VWA8: variants seen among roughly 807,000 people sequenced by gnomAD.
VWA8 encodes von Willebrand factor A domain containing 8, also known as von Willebrand factor A domain-containing protein 8.
VWA8 carries 221 observed loss-of-function variants against 241.5 expected under a neutral mutation model. That is an observed-to-expected ratio of 0.91 (90% CI 0.82 to 1.02). VWA8 has a LOEUF of 1.02. Ranked by LOEUF, VWA8 falls within the 50% of genes least tolerant of loss-of-function variation. VWA8 has a pLI of 0.00. For synonymous variants in VWA8, 852 were observed against 827.1 expected (o/e 1.03, Z -0.52); for missense variants, 2,322 against 2,328.7 (o/e 1.00, Z 0.06).
At chr13:41,822,284 A>C (rs1479542902) in intron 14 of VWA8, among the ~76,000 whole-genome samples, 3 of 152,178 alleles carry the variant, frequency 2.0e-5, no homozygotes, top group Non-Finnish European at 4.4e-5. Flanking sequence ...TTGAAAGAAT[A>C]ATATGGAAGG....
intron 21 of VWA8, among the ~76,000 whole-genome samples, chr13:41,749,576 C>T (rs140678325): frequency 0.048 from 7,268 of 152,116 alleles, 397 homozygotes; most frequent in African/African-American, 0.13. Context: ...TGCGGCACCA[C>T]TCACAATAGC....
intron 43 of VWA8, 22 bp from the exon 44 acceptor site, chr13:41,570,728 C>T: frequency 1.2e-6 from 2 of 1,601,636 alleles, no homozygotes; most frequent in Non-Finnish European, 1.7e-6. Context: ...AGAAGTTGCA[C>T]AAAAGCCATG....
At chr13:41,870,963 CTCAGAAAGGTATTAA>C (rs1338487280) in intron 9 of VWA8, among the ~76,000 whole-genome samples, 1 of 152,166 alleles carries the variant, frequency 6.6e-6, no homozygotes, top group East Asian at 1.9e-4. Context: ...AGGATTGTTA[CTCAGAAAGGTATTAA>C]TCAGAAAGGT....
At chr13:41,883,717 T>C (rs540391276) in intron 8 of VWA8, among the ~76,000 whole-genome samples, 1 of 152,330 alleles carries the variant, frequency 6.6e-6, no homozygotes, top group South Asian at 2.1e-4. Context: ...CTTCTATGTA[T>C]TGATGGCTCC....
At chr13:41,692,218 C>T (rs1169241743) in intron 30 of VWA8, among the ~76,000 whole-genome samples, 1 of 151,838 alleles carries the variant, frequency 6.6e-6, no homozygotes, top group Non-Finnish European at 1.5e-5. Flanking sequence ...GATGATTAAC[C>T]ATGGAATTTA....
intron 8 of VWA8, among the ~76,000 whole-genome samples, chr13:41,883,879 T>C (rs1874385772): frequency 6.6e-6 from 1 of 152,204 alleles, no homozygotes; most frequent in Admixed American, 6.5e-5. Flanking sequence ...ACCTGATCCC[T>C]TTTTATTCCT....
At chr13:41,916,669 A>G (rs1593867602) in intron 2 of VWA8, among the ~76,000 whole-genome samples, 1 of 152,228 alleles carries the variant, frequency 6.6e-6, no homozygotes, top group East Asian at 1.9e-4. Flanking sequence ...ACTGAAAGAA[A>G]GCATCATGCA....
chr13:41,592,701 T>TA (rs2044464170), intron 40 of VWA8, among the ~76,000 whole-genome samples: 2 of 150,016 alleles, frequency 1.3e-5, no homozygotes, highest in South Asian at 4.3e-4. Context: ...ATAATAGTGT[T>TA]ATTAAAAGCC....
At chr13:41,897,621 C>T (rs1319977710) in intron 4 of VWA8, among the ~76,000 whole-genome samples, 1 of 152,080 alleles carries the variant, frequency 6.6e-6, no homozygotes, top group East Asian at 1.9e-4. Context: ...AATGAAGCCG[C>T]AGACCCTCGC....
Position 41,587,676 on chromosome 13 carries a change from G to A in VWA8, c.5113-6C>T. On this transcript the variant is annotated splice_polypyrimidine_tract_variant and splice_region_variant and intron_variant, in intron 41 of 44. Transcript: ENST00000379310. ...TTCTGTTGTGGGCTGCCAAGCTGAG[G>A]GAAGGAATAACAGAAAAGCCGTTTG... 6.2e-7 allele frequency: 1 copy of A among 1,613,924 alleles called. No individual in the cohort carries two copies. The highest frequency in any genetic ancestry group is 1.7e-5 in the Admixed American group (1 of 60,016).
intron 21 of VWA8, among the ~76,000 whole-genome samples, chr13:41,737,831 C>A (rs2045537572): frequency 6.6e-6 from 1 of 151,910 alleles, no homozygotes; most frequent in Admixed American, 6.6e-5. Flanking sequence ...CCACACAACT[C>A]CCTCTTCACA....
chr13:41,810,287 A>T (rs1422716008), intron 17 of VWA8, among the ~76,000 whole-genome samples: 1 of 152,128 alleles, frequency 6.6e-6, no homozygotes, highest in Non-Finnish European at 1.5e-5. Context: ...TATGCCCAAC[A>T]GAAAGAAAAT....
Position 41,811,464 on chromosome 13 carries a change from G to A in VWA8, c.1948-124C>T, listed in dbSNP as rs114981709. 458 of 525,482 alleles carry A rather than the reference G, an allele frequency of 8.7e-4. 3 individuals are homozygous for A. Among genetic ancestry groups the A allele is most frequent in the African/African-American group, 8.2e-3 (425 of 51,912 alleles). The allele number at this position is 525,482 out of a possible 1,614,324, so 32.6% of individuals were successfully genotyped here. ...TAAGGCCAAACTTAAAGTATGTGCT[G>A]TTAATTAATTACAAATCAAAATAAA... On this transcript the variant is annotated intron_variant, in intron 16 of 44. Transcript: ENST00000379310.
intron 40 of VWA8, among the ~76,000 whole-genome samples, chr13:41,602,841 C>G (rs2044530138): frequency 6.6e-6 from 1 of 151,764 alleles, no homozygotes. Flanking sequence ...TAGTAGAATG[C>G]CTGGTGCATG....
chr13:41,571,481 T>TGGGATTGCAGGTGCCC (rs1480499994), intron 43 of VWA8, among the ~76,000 whole-genome samples: 1 of 152,110 alleles, frequency 6.6e-6, no homozygotes, highest in Non-Finnish European at 1.5e-5. Context: ...GCAGAGTGCC[T>TGGGATTGCAGGTGCCC]GGGATTGCAG....
At chr13:41,706,357 A>G (rs1182868119) in intron 26 of VWA8, among the ~76,000 whole-genome samples, 1 of 152,216 alleles carries the variant, frequency 6.6e-6, no homozygotes, top group African/African-American at 2.4e-5. Flanking sequence ...ACATAACATG[A>G]TGCTATTTGG....
intron 9 of VWA8, among the ~76,000 whole-genome samples, chr13:41,877,336 T>C (rs1457569766): frequency 2.0e-5 from 3 of 152,082 alleles, no homozygotes; most frequent in Non-Finnish European, 4.4e-5. Flanking sequence ...TTAATTCTTA[T>C]TTCACTGGCC....
chr13:41,661,116 A>G (rs2044947323), intron 37 of VWA8, among the ~76,000 whole-genome samples: 1 of 152,106 alleles, frequency 6.6e-6, no homozygotes, highest in Admixed American at 6.6e-5. Flanking sequence ...CGCCCACCTC[A>G]GCTTCCCAAA....
intron 12 of VWA8, among the ~76,000 whole-genome samples, chr13:41,858,587 C>CAGAGTG (rs1251916728): frequency 3.4e-5 from 5 of 148,908 alleles, no homozygotes; most frequent in South Asian, 2.1e-4. Context: ...GCCTGGGCAA[C>CAGAGTG]AGAGTGAGAG....
Sources: allele counts gnomAD v4.1 joint callset (sites outside exome capture counted in the v4.1 genomes callset), GRCh38; gene constraint gnomAD v4.1.1; transcripts MANE v1.5; gene names NCBI Gene and HGNC (gene_info 2026-07-23, HGNC 2026-07-21).